ANK2: variants seen among roughly 807,000 people sequenced by gnomAD.
The protein encoded by ANK2 is ankyrin-2.
In ANK2, 83 loss-of-function variants were observed where a neutral mutation model predicts 360.5. That is an observed-to-expected ratio of 0.23 (90% CI 0.19 to 0.28). The LOEUF (loss-of-function observed/expected upper bound fraction) is 0.28, where lower values mean the gene tolerates loss of function less well. Among genes scored for constraint, ANK2 ranks in the 10% least tolerant of loss-of-function variants. The probability of loss-of-function intolerance (pLI) is 1.00; values close to 1 mark genes in which losing one functional copy is unlikely to be tolerated. For synonymous variants in ANK2, 1,740 were observed against 1,759.5 expected, an observed-to-expected ratio of 0.99 and a Z score of 0.28; for missense variants, 4,201 against 4,795.7, an observed-to-expected ratio of 0.88 and a Z score of 3.66.
intron 10 of ANK2, among the ~76,000 whole-genome samples, chr4:113,255,068 G>T (rs1563201586): frequency 6.6e-6 from 1 of 152,112 alleles, no homozygotes; most frequent in Non-Finnish European, 1.5e-5. Context: ...CTAGAATTAA[G>T]GCTAAAGCTG....
chr4:113,342,001 A>ATTCT, intron 33 of ANK2, 85 bp downstream of exon 33: 1 of 1,251,328 alleles, frequency 8.0e-7, no homozygotes, highest in Non-Finnish European at 1.1e-6. Flanking sequence ...TCATTTAATA[A>ATTCT]ATAGAATAAT....
At chr4:112,923,002 C>A (rs1328616135) in intron 2 of ANK2, among the ~76,000 whole-genome samples, 1 of 151,900 alleles carries the variant, frequency 6.6e-6, no homozygotes, top group Non-Finnish European at 1.5e-5. Flanking sequence ...ACAAAAAATA[C>A]CTTGAATTTA....
At chr4:113,040,913 A>T (rs1304200552) in intron 2 of ANK2, among the ~76,000 whole-genome samples, 1 of 151,984 alleles carries the variant, frequency 6.6e-6, no homozygotes. Flanking sequence ...GCCCTTCCCC[A>T]TGTGAGACTT....
Position 113,355,003 on chromosome 4 carries a change from G to A in ANK2, c.6385G>A (p.Asp2129Asn), listed in dbSNP as rs1255026715. Residue 2129 changes from aspartate to asparagine, a missense_variant, in exon 38 of 46, where the codon GAT (aspartate) becomes AAT (asparagine). Around this residue, in one of 4 missense-constraint regions of ANK2, gnomAD observed 2,642 missense variants for 2,714.5 expected, o/e 0.97. Coordinates refer to ENST00000357077, the MANE Select transcript of ANK2 (RefSeq NM_001148.6). Reference sequence around the variant, plus strand: ...AGACATGGATCTACAGATCAGCCCAGATAGGAAAACCTCCACTGACTTCTC... The same window carrying A: ...AGACATGGATCTACAGATCAGCCCAAATAGGAAAACCTCCACTGACTTCTC... Reference protein sequence around the residue: ...QGDMDLQISPDRKTSTDFSEV... With the variant: ...QGDMDLQISPNRKTSTDFSEV... The A allele has an allele frequency of 6.2e-7, 1 of 1,613,952 alleles. No homozygotes were observed. Among genetic ancestry groups the A allele is most frequent in the Non-Finnish European group, 8.5e-7 (1 of 1,179,982 alleles).
chr4:112,957,696 A>G (rs1443094891), intron 2 of ANK2, among the ~76,000 whole-genome samples: 1 of 122,216 alleles, frequency 8.2e-6, no homozygotes, highest in Non-Finnish European at 1.7e-5. Context: ...CGGGGGGCTG[A>G]CCCCCCCACC....
chr4:113,191,167 C>G (rs1269916110), intron 2 of ANK2, among the ~76,000 whole-genome samples: 2 of 152,050 alleles, frequency 1.3e-5, no homozygotes, highest in Admixed American at 6.6e-5. Context: ...GGGTGAAACC[C>G]CGTCTCTACT....
chr4:112,909,297 T>G (rs188274424), intron 2 of ANK2, among the ~76,000 whole-genome samples: 25 of 152,334 alleles, frequency 1.6e-4, no homozygotes, highest in Admixed American at 7.2e-4. Flanking sequence ...TTGCTTAAAT[T>G]TAGATAACTG....
intron 2 of ANK2, among the ~76,000 whole-genome samples, chr4:112,978,308 C>T (rs1438737994): frequency 6.6e-6 from 1 of 152,038 alleles, no homozygotes; most frequent in Non-Finnish European, 1.5e-5. Flanking sequence ...TAGGAATTCT[C>T]AATATAATTT....
chr4:113,225,892 T>G (rs1036655595), intron 4 of ANK2, among the ~76,000 whole-genome samples: 1 of 152,214 alleles, frequency 6.6e-6, no homozygotes, highest in Non-Finnish European at 1.5e-5. Context: ...TAGGAAGATA[T>G]TTTTGTAATA....
At chr4:113,006,199 G>C (rs954800975) in intron 2 of ANK2, among the ~76,000 whole-genome samples, 1 of 152,130 alleles carries the variant, frequency 6.6e-6, no homozygotes, top group South Asian at 2.1e-4. Context: ...ATGATAAACA[G>C]TTGAGAAGAC....
chr4:113,129,201 T>G (rs971459838), intron 1 of ANK2, among the ~76,000 whole-genome samples: 9 of 152,168 alleles, frequency 5.9e-5, no homozygotes, highest in Admixed American at 1.3e-4. Context: ...AGGGACAGAT[T>G]TTTTTATAGT....
intron 2 of ANK2, among the ~76,000 whole-genome samples, chr4:112,958,622 G>A (rs939344669): frequency 6.6e-6 from 1 of 150,972 alleles, no homozygotes. Flanking sequence ...AGAGGGAGAG[G>A]GGGGAGAGGG....
chr4:112,990,354 C>T (rs1235771574), intron 2 of ANK2, among the ~76,000 whole-genome samples: 1 of 152,172 alleles, frequency 6.6e-6, no homozygotes, highest in Non-Finnish European at 1.5e-5. Context: ...TGATCAGAGT[C>T]TCTCACTAAT....
Position 113,029,043 on chromosome 4 carries a change from C to T in ANK2, c.21+124529C>T, listed in dbSNP as rs568368277. Among the ~76,000 whole-genome samples, 10 of 152,018 alleles carry T rather than the reference C, an allele frequency of 6.6e-5. No individual in the cohort carries two copies. In the East Asian group the frequency reaches 1.7e-3, roughly 27 times the overall value. On this transcript the variant is annotated intron_variant, in intron 2 of 30. Transcript: ENST00000503271. ...CTAAAGACCTGATCATATCTGGTGT[C>T]AACACAATAGAGTGGATTTAGAAGA...
chr4:112,787,048 C>T, the ANK2 span, among the ~76,000 whole-genome samples: 1 of 152,120 alleles, frequency 6.6e-6, no homozygotes, highest in Non-Finnish European at 1.5e-5. Context: ...CACACCTGGC[C>T]AAAATCAAAC....
At chr4:113,244,028 T>C (rs894922677) in intron 9 of ANK2, among the ~76,000 whole-genome samples, 5 of 152,200 alleles carry the variant, frequency 3.3e-5, no homozygotes, top group Admixed American at 6.5e-5. Flanking sequence ...TATTTGGGTA[T>C]ACAATTAAAA....
the ANK2 span, among the ~76,000 whole-genome samples, chr4:112,722,137 A>G: frequency 6.6e-6 from 1 of 152,182 alleles, no homozygotes; most frequent in Non-Finnish European, 1.5e-5. Flanking sequence ...AAATTGTTTC[A>G]AGGCAGGCAG....
chr4:113,148,636 A>G (rs150019340), intron 1 of ANK2, among the ~76,000 whole-genome samples: 1 of 152,338 alleles, frequency 6.6e-6, no homozygotes, highest in African/African-American at 2.4e-5. Flanking sequence ...TAATAAGTCA[A>G]TCAGCAAATG....
the ANK2 span, among the ~76,000 whole-genome samples, chr4:112,791,198 A>G: frequency 2.0e-5 from 3 of 152,244 alleles, no homozygotes; most frequent in East Asian, 1.9e-4. Context: ...TGAAGCAGGG[A>G]GGACCCTGTG....
Sources: allele counts gnomAD v4.1 joint callset (sites outside exome capture counted in the v4.1 genomes callset), GRCh38; gene constraint gnomAD v4.1.1; regional missense constraint gnomAD v4.1.1; transcripts MANE v1.5; gene names NCBI Gene and HGNC (gene_info 2026-07-23, HGNC 2026-07-21).